Variants in HNMT observed in about 807,000 individuals in gnomAD.
HNMT encodes the protein histamine N-methyltransferase.
In HNMT, 30 loss-of-function variants were observed where a neutral mutation model predicts 32.1. That is an observed-to-expected ratio of 0.93 (90% CI 0.70 to 1.27). The LOEUF is 1.27. Among genes scored for constraint, HNMT ranks in the 50% most tolerant of loss-of-function variants. The pLI is 0.00. For synonymous variants in HNMT, 125 were observed against 119.0 expected (o/e 1.05, Z -0.33); for missense variants, 327 against 346.0 (o/e 0.95, Z 0.43).
intron 1 of HNMT, 52 bp downstream of exon 1, chr2:137,964,680 G>C (rs759519746): frequency 3.8e-6 from 6 of 1,587,240 alleles, no homozygotes; most frequent in Non-Finnish European, 5.2e-6. Flanking sequence ...CTGGCTGTGC[G>C]TCAGTGATAG....
chr2:137,998,318 A>G (rs1165197263), intron 2 of HNMT, among the ~76,000 whole-genome samples: 1 of 152,096 alleles, frequency 6.6e-6, no homozygotes, highest in Non-Finnish European at 1.5e-5. Context: ...AATTTATGAA[A>G]TGTTCTTTTT....
chr2:137,974,623 A>T (rs948397001), intron 2 of HNMT, among the ~76,000 whole-genome samples: 3 of 152,114 alleles, frequency 2.0e-5, no homozygotes, highest in Non-Finnish European at 2.9e-5. Context: ...TATCTGTCCC[A>T]GTGTTTGGTT....
intron 2 of HNMT, among the ~76,000 whole-genome samples, chr2:137,996,740 C>T (rs1040583756): frequency 2.6e-5 from 4 of 152,168 alleles, no homozygotes; most frequent in African/African-American, 9.7e-5. Context: ...AGGAGCAAAG[C>T]TGGAGGCATC....
At chr2:137,964,690 G>C (rs1679899913) in intron 1 of HNMT, 62 bp downstream of exon 1, 3 of 1,554,968 alleles carry the variant, frequency 1.9e-6, no homozygotes, top group Admixed American at 1.7e-5. Flanking sequence ...GTCAGTGATA[G>C]ATGGGTCTCG....
In HNMT at chr2:138,013,848, C is replaced by G; in HGVS notation, c.597C>G (p.Ile199Met). 1 of 1,613,734 alleles carries G rather than the reference C, an allele frequency of 6.2e-7. No homozygotes were observed. Reference protein sequence around the residue: ...RFPQDDLCQYITSDDLTQMLD... With the variant: ...RFPQDDLCQYMTSDDLTQMLD... Reference sequence around the variant, plus strand: ...CCCAGGATGACCTCTGCCAGTATATCACATCAGATGACCTCACTCAGATGC... The same window carrying G: ...CCCAGGATGACCTCTGCCAGTATATGACATCAGATGACCTCACTCAGATGC... The change falls in exon 6 of 6, where the codon ATC (isoleucine) becomes ATG (methionine). Residue 199 changes from isoleucine to methionine, a missense_variant. By Grantham distance (10) the Ile-to-Met change is conservative. Coordinates refer to ENST00000280097, the MANE Select transcript of HNMT (RefSeq NM_006895.3).
chr2:137,972,042 C>T (rs1290884654), intron 2 of HNMT, among the ~76,000 whole-genome samples: 1 of 152,080 alleles, frequency 6.6e-6, no homozygotes, highest in African/African-American at 2.4e-5. Flanking sequence ...AACTGTGGCT[C>T]ATATTAACAC....
chr2:137,966,232 A>G (rs545663593), intron 1 of HNMT, among the ~76,000 whole-genome samples: 2 of 152,286 alleles, frequency 1.3e-5, no homozygotes, highest in African/African-American at 2.4e-5. Flanking sequence ...AAAGCAAGAC[A>G]TGCCATATTT....
intron 2 of HNMT, among the ~76,000 whole-genome samples, chr2:137,973,232 T>C (rs1680187221): frequency 6.6e-6 from 1 of 152,130 alleles, no homozygotes; most frequent in Non-Finnish European, 1.5e-5. Context: ...GAAAGAACAG[T>C]GTTTTGAGGG....
chr2:138,005,341 G>A (rs1681300384), intron 5 of HNMT, 116 bp downstream of exon 5: 3 of 674,438 alleles, frequency 4.4e-6, no homozygotes, highest in Non-Finnish European at 7.9e-6. Flanking sequence ...TCTTGCCTTG[G>A]CCTCTAATCA....
At chr2:137,978,101 G>C (rs3100697) in intron 2 of HNMT, among the ~76,000 whole-genome samples, 144,486 of 152,024 alleles carry the variant, frequency 0.95, 69,066 homozygotes, top group East Asian at 1. Context: ...AATATCATCA[G>C]AGATCAAGAG....
chr2:137,989,532 G>C (rs1680754993), intron 2 of HNMT, among the ~76,000 whole-genome samples: 1 of 152,054 alleles, frequency 6.6e-6, no homozygotes, highest in South Asian at 2.1e-4. Flanking sequence ...CCAAGCTTTG[G>C]CAATTATGAA....
Position 137,967,201 on chromosome 2 carries a change from A to G in HNMT, c.137+2573A>G, listed in dbSNP as rs1182508407. 32 of 731,364 alleles carry G rather than the reference A, an allele frequency of 4.4e-5. No homozygotes were observed. In the East Asian group the frequency reaches 7.5e-4, roughly 17 times the overall value. 45.3% of individuals were successfully genotyped at this position (731,364 alleles called of 1,614,324 possible). A position where few individuals can be genotyped will look rare whatever the true frequency, so the allele number is the denominator to read the frequency against. The stretch of plus-strand genomic sequence containing the variant: ...TGAGGCGGGAGGATTACTTGAGCCT[A>G]GGAGTTTGAGACCAGCCTGGGCAAC... On this transcript the variant is annotated intron_variant, in intron 1 of 5. Transcript: ENST00000280097.
In HNMT at chr2:138,013,518, C is replaced by T. The variant is rs560927695; in HGVS notation, c.524-257C>T. On this transcript the variant is annotated intron_variant, in intron 5 of 5. Transcript: ENST00000280097. ...CAAATGTCAGGTTATTAGACAGACTCTGCGACCACCCTAGTTAAAACAGCA... is the reference window on the plus strand; with the variant it reads ...CAAATGTCAGGTTATTAGACAGACTTTGCGACCACCCTAGTTAAAACAGCA... Among the ~76,000 whole-genome samples, 8 of 152,250 alleles carry T rather than the reference C, an allele frequency of 5.3e-5. No homozygotes were observed. In the East Asian group the frequency reaches 1.4e-3, roughly 26 times the overall value.
intron 2 of HNMT, among the ~76,000 whole-genome samples, chr2:137,989,707 C>A (rs1360553141): frequency 6.6e-6 from 1 of 152,206 alleles, no homozygotes; most frequent in Non-Finnish European, 1.5e-5. Flanking sequence ...AGTTACCTTT[C>A]CCACCAGCAG....
intron 5 of HNMT, among the ~76,000 whole-genome samples, chr2:138,011,967 C>A (rs910854630): frequency 6.6e-6 from 1 of 152,006 alleles, no homozygotes; most frequent in African/African-American, 2.4e-5. Context: ...GTTTTAGAGA[C>A]CATGCTCTTT....
intron 2 of HNMT, among the ~76,000 whole-genome samples, chr2:137,973,340 G>A (rs1387939630): frequency 2.0e-5 from 3 of 152,136 alleles, no homozygotes; most frequent in Non-Finnish European, 2.9e-5. Flanking sequence ...GCATCAGGCA[G>A]AACAATGCAT....
intron 2 of HNMT, among the ~76,000 whole-genome samples, chr2:137,979,980 C>T (rs937871634): frequency 1.3e-5 from 2 of 152,078 alleles, no homozygotes; most frequent in African/African-American, 2.4e-5. Flanking sequence ...GCACTGCTCC[C>T]ACAAGTGTGT....
intron 2 of HNMT, among the ~76,000 whole-genome samples, chr2:137,998,452 C>T (rs1387501727): frequency 2.0e-5 from 3 of 152,114 alleles, no homozygotes; most frequent in Non-Finnish European, 2.9e-5. Flanking sequence ...ATGTCCCTGA[C>T]AAACAAGTAT....
chr2:137,993,208 C>A (rs1423098300), intron 2 of HNMT, among the ~76,000 whole-genome samples: 3 of 152,078 alleles, frequency 2.0e-5, no homozygotes, highest in African/African-American at 4.8e-5. Flanking sequence ...ATCAGATGGA[C>A]AAATTGACAG....
Sources: gnomAD v4.1 joint callset for allele counts (sites outside exome capture counted in the v4.1 genomes callset) on GRCh38, gnomAD v4.1.1 for gene constraint, MANE v1.5 for transcripts, NCBI Gene and HGNC (gene_info 2026-07-23, HGNC 2026-07-21) for gene names.